CEP120: variants seen among roughly 807,000 people sequenced by gnomAD.
CEP120 encodes the protein centrosomal protein 120.
CEP120 carries 113 observed loss-of-function variants against 126.5 expected under a neutral mutation model. That is an observed-to-expected ratio of 0.89 (90% CI 0.77 to 1.04). The LOEUF is 1.04. Among genes scored for constraint, CEP120 ranks in the 50% least tolerant of loss-of-function variants. The pLI, the probability that CEP120 is intolerant of heterozygous loss-of-function variation, is 0.00. For missense variants in CEP120, 1,230 were observed against 1,155.7 expected, an observed-to-expected ratio of 1.06 and a Z score of -0.93; for synonymous variants, 400 against 394.3, an observed-to-expected ratio of 1.01 and a Z score of -0.17.
intron 5 of CEP120, among the ~76,000 whole-genome samples, chr5:123,394,503 C>A (rs1772632679): frequency 6.6e-6 from 1 of 152,196 alleles, no homozygotes; most frequent in Non-Finnish European, 1.5e-5. Context: ...CTAATGCTCA[C>A]TTGCCCGCTG....
intron 2 of CEP120, among the ~76,000 whole-genome samples, chr5:123,416,590 A>AAAATAC (rs1351454251): frequency 1.3e-5 from 2 of 148,664 alleles, no homozygotes; most frequent in East Asian, 3.8e-4. Flanking sequence ...AATAAAAATA[A>AAAATAC]AAATAAAAAA....
At chr5:123,407,297 A>G (rs1056030749) in intron 4 of CEP120, among the ~76,000 whole-genome samples, 9 of 152,226 alleles carry the variant, frequency 5.9e-5, no homozygotes, top group Middle Eastern at 6.8e-3. Flanking sequence ...GTTTAAATGC[A>G]CCAGTTAAAA....
Position 123,346,395 on chromosome 5 carries a change from C to T in CEP120, c.*124G>A, listed in dbSNP as rs1324177314. 7.5e-6 allele frequency: 5 copies of T among 664,484 alleles called. No homozygotes were observed. The highest frequency in any genetic ancestry group is 6.5e-5 in the Admixed American group (2 of 30,944). 41.2% of individuals were successfully genotyped at this position (664,484 alleles called of 1,614,324 possible). A position where few individuals can be genotyped will look rare whatever the true frequency, so the allele number is the denominator to read the frequency against. On this transcript the variant is annotated 3_prime_UTR_variant, in exon 20 of 20. Coordinates refer to ENST00000306467, the MANE Select transcript of CEP120 (RefSeq NM_001375405.1). Reference sequence around the variant, plus strand: ...CAAATAAATACTATACAATAACATACAAAATTTTGCTTATAAAAAATTGAA... The same window carrying T: ...CAAATAAATACTATACAATAACATATAAAATTTTGCTTATAAAAAATTGAA...
intron 4 of CEP120, chr5:123,402,343 G>GGTGGAGGCAGGA: frequency 7.1e-7 from 1 of 1,400,246 alleles, no homozygotes; most frequent in East Asian, 2.3e-5. Context: ...TAATGGACAT[G>GGTGGAGGCAGGA]GTGGAGGCAG....
At chr5:123,389,888 C>G (rs909794810) in intron 8 of CEP120, 36 bp downstream of exon 8, 1 of 1,555,940 alleles carries the variant, frequency 6.4e-7, no homozygotes, top group African/African-American at 1.4e-5. Context: ...AATGCAATAC[C>G]TCAAAGATCT....
chr5:123,372,301 C>A (rs143073357), intron 17 of CEP120, among the ~76,000 whole-genome samples: 1 of 152,014 alleles, frequency 6.6e-6, no homozygotes, highest in African/African-American at 2.4e-5. Context: ...AAGGAGCAAC[C>A]GAAGTAGACT....
chr5:123,354,672 A>G lies in CEP120; in HGVS notation c.2581-4583T>C, dbSNP rs542952150. On this transcript the variant is annotated intron_variant, in intron 18 of 19. Coordinates refer to ENST00000306467, the MANE Select transcript of CEP120 (RefSeq NM_001375405.1). ...CCTACAGTAAAATGCCTCTCGCCCT[A>G]TAAGTCTGGTTTGCCTAATATTAAG... 1.9e-4 allele frequency among the ~76,000 whole-genome samples: 29 copies of G among 152,190 alleles called. 1 individual carries two copies. Among genetic ancestry groups the G allele is most frequent in the Middle Eastern group, 3.4e-3 (1 of 294 alleles).
chr5:123,401,531 G>A lies in CEP120; in HGVS notation c.464-2247C>T, dbSNP rs1773240384. ...CTCAGCCTCGGCCTGGCTGCGGTTG[G>A]CGATCTCCTCGTACTGTGCCTTGAC... is the stretch of plus-strand genomic sequence containing the variant. On this transcript the variant is annotated intron_variant, in intron 4 of 19. Transcript: ENST00000306467. The A allele has an allele frequency of 2.9e-5, 38 of 1,301,452 alleles. No individual in the cohort carries two copies. The South Asian group carries it at 4.5e-4, about 15-fold the overall frequency. 80.6% of individuals were successfully genotyped at this position (1,301,452 alleles called of 1,614,324 possible).
At chr5:123,383,263 T>A (rs1178085030) in intron 11 of CEP120, among the ~76,000 whole-genome samples, 181 bp from the exon 12 acceptor site, 1 of 152,096 alleles carries the variant, frequency 6.6e-6, no homozygotes, top group Non-Finnish European at 1.5e-5. Context: ...TATAAATTGA[T>A]CATCACAAAC....
At chr5:123,363,325 T>C (rs1483314799) in intron 18 of CEP120, among the ~76,000 whole-genome samples, 1 of 151,670 alleles carries the variant, frequency 6.6e-6, no homozygotes, top group African/African-American at 2.4e-5. Flanking sequence ...TCAAGGCTCT[T>C]ACTATTAGGC....
At position 123,386,673 on chromosome 5, in the gene CEP120, AT is replaced by A. The variant is rs34328840; in HGVS notation, c.1431-7del. 0.11 allele frequency: 80,768 copies of A among 735,108 alleles called. 3,058 individuals carry two copies. Among genetic ancestry groups the A allele is most frequent in the Non-Finnish European group, 0.12 (64,428 of 555,532 alleles). The allele number at this position is 735,108 out of a possible 1,614,324, so 45.5% of individuals were successfully genotyped here. A position where few individuals can be genotyped will look rare whatever the true frequency, so the allele number is the denominator to read the frequency against. On this transcript the variant is annotated splice_polypyrimidine_tract_variant and splice_region_variant and intron_variant, in intron 9 of 19. Coordinates refer to ENST00000306467, the MANE Select transcript of CEP120 (RefSeq NM_001375405.1). ...CAAAGAATGGATATGAGTACCTAGAATTTAAAAAAAAAAAAAAAAAAAAAAG... is the reference window on the plus strand; with the variant it reads ...CAAAGAATGGATATGAGTACCTAGAATTAAAAAAAAAAAAAAAAAAAAAAG...
chr5:123,407,406 T>G (rs775330269), intron 4 of CEP120, among the ~76,000 whole-genome samples: 21 of 152,150 alleles, frequency 1.4e-4, no homozygotes, highest in Non-Finnish European at 8.8e-5. Context: ...GATTAAAAGC[T>G]ATACTAATCA....
chr5:123,406,908 T>G (rs9327295), intron 4 of CEP120, among the ~76,000 whole-genome samples: 42,610 of 151,572 alleles, frequency 0.28, 6,212 homozygotes, highest in African/African-American at 0.32. Flanking sequence ...ATGTGTATGC[T>G]GAGGTATAAC....
At chr5:123,367,756 T>G (rs1320500329) in intron 17 of CEP120, among the ~76,000 whole-genome samples, 1 of 151,948 alleles carries the variant, frequency 6.6e-6, no homozygotes, top group Non-Finnish European at 1.5e-5. Flanking sequence ...TGTTAACTTA[T>G]TTTTAGACAA....
At chr5:123,418,585 T>TTTTTGTTTGGCTGG in intron 1 of CEP120, 70 bp from the exon 2 acceptor site, 3 of 1,360,056 alleles carry the variant, frequency 2.2e-6, no homozygotes, top group Non-Finnish European at 2.9e-6. Context: ...ACCATGTGTT[T>TTTTTGTTTGGCTGG]TTTTGTTTGG....
chr5:123,370,824 G>A (rs1286309514), intron 17 of CEP120, among the ~76,000 whole-genome samples: 1 of 150,450 alleles, frequency 6.6e-6, no homozygotes, highest in Non-Finnish European at 1.5e-5. Context: ...GCCCAGGCTG[G>A]TCTTGAACTG....
At position 123,389,989 on chromosome 5, in the gene CEP120, T is replaced by C; in HGVS notation, c.1190A>G (p.Asp397Gly). The change falls in exon 8 of 20, where the codon GAT becomes GGT. Residue 397 changes from aspartate (D) to glycine (G), a missense_variant. Physicochemically the swap from Asp to Gly is moderately conservative, Grantham distance 94 (BLOSUM62 -1). Transcript: ENST00000306467. The part of the protein sequence containing the change: ...PSHNQSPPTK[D>G]DATESEVESL... ...TTCCACTTCACTTTCTGTTGCATCA[T>C]CTTTTGTTGGAGGTGACTGGTTGTG... 6.2e-7 allele frequency: 1 copy of C among 1,614,190 alleles called. No individual in the cohort carries two copies. The highest frequency in any genetic ancestry group is 8.5e-7 in the Non-Finnish European group (1 of 1,180,018).
intron 18 of CEP120, among the ~76,000 whole-genome samples, chr5:123,359,709 C>T (rs2126990939): frequency 6.6e-6 from 1 of 152,044 alleles, no homozygotes; most frequent in South Asian, 2.1e-4. Flanking sequence ...ACAGCTGTTG[C>T]CTTCCCAGTT....
rs147430819 is a variant in CEP120 at position 123,384,954 on chromosome 5, T to C, written c.1760A>G (p.Gln587Arg). The C allele has an allele frequency of 1.2e-6, 2 of 1,603,890 alleles. No individual in the cohort carries two copies. The highest frequency in any genetic ancestry group is 1.7e-5 in the Admixed American group (1 of 57,824). Reference sequence around the variant, plus strand: ...CCAATTCTGTGAAATGCATTACCCTTGTGCTGCTATAACAGGCACACTTTC... The same window carrying C: ...CCAATTCTGTGAAATGCATTACCCTCGTGCTGCTATAACAGGCACACTTTC... Reference protein sequence around the residue: ...YSESVPVIAAQGSNNRIADLS... With the variant: ...YSESVPVIAARGSNNRIADLS... The change falls in exon 11 of 20, where the codon CAA (glutamine) becomes CGA (arginine). Residue 587 changes from glutamine (Q) to arginine (R), a missense_variant. Transcript: ENST00000306467.
Sources: allele counts gnomAD v4.1 joint callset (sites outside exome capture counted in the v4.1 genomes callset), GRCh38; gene constraint gnomAD v4.1.1; transcripts MANE v1.5; gene names NCBI Gene and HGNC (gene_info 2026-07-23, HGNC 2026-07-21).